Variants in NEDD1 observed in about 807,000 individuals in gnomAD.
NEDD1 encodes the protein protein NEDD1.
A neutral mutation model predicts 74.0 loss-of-function variants in NEDD1; 33 were observed. The ratio of observed to expected loss-of-function variants is 0.45; its 90% CI spans 0.34 to 0.60. The LOEUF is 0.60. Ranked by LOEUF, NEDD1 falls within the 20% of genes least tolerant of loss-of-function variation. The probability of loss-of-function intolerance (pLI) is 0.01; values close to 1 mark genes in which losing one functional copy is unlikely to be tolerated. For synonymous variants in NEDD1, 250 were observed against 264.4 expected (o/e 0.95, Z 0.53); for missense variants, 746 against 776.5 (o/e 0.96, Z 0.47).
At chr12:96,921,827 G>A (rs1466845907) in intron 6 of NEDD1, among the ~76,000 whole-genome samples, 2 of 150,776 alleles carry the variant, frequency 1.3e-5, no homozygotes, top group Non-Finnish European at 3.0e-5. Flanking sequence ...TGTTGTCCAG[G>A]CAGGTCTTTA....
intron 6 of NEDD1, among the ~76,000 whole-genome samples, chr12:96,934,094 AT>A (rs1040757307): frequency 3.6e-4 from 54 of 151,722 alleles, no homozygotes; most frequent in African/African-American, 1.2e-3. Context: ...TTGTGGTTTA[AT>A]TTTTTTTTAA....
intron 9 of NEDD1, among the ~76,000 whole-genome samples, chr12:96,939,120 G>A (rs1016250322): frequency 1.3e-5 from 2 of 151,980 alleles, no homozygotes. Context: ...TTTAAGCTTT[G>A]TATAAAATTA....
rs995285777 is a variant in NEDD1, at chr12:96,907,456, G to A, written c.-261-148G>A. On this transcript the variant is annotated intron_variant, in intron 1 of 15. Coordinates refer to ENST00000266742, the MANE Select transcript of NEDD1 (RefSeq NM_152905.4). ...GGTTGCTGGGCGGGGGCGCGGCGGC[G>A]CGCTGGGCTGGGAAGTGTCCGGGGA... The A allele has an allele frequency of 2.7e-4, 164 of 616,612 alleles. 1 individual carries two copies. The East Asian group carries it at 5.1e-3, about 19-fold the overall frequency. The allele number at this position is 616,612 out of a possible 1,614,324, so 38.2% of individuals were successfully genotyped here. A position where few individuals can be genotyped will look rare whatever the true frequency, so the allele number is the denominator to read the frequency against.
intron 14 of NEDD1, among the ~76,000 whole-genome samples, 190 bp downstream of exon 14, chr12:96,946,039 A>G (rs1443281980): frequency 6.6e-6 from 1 of 152,152 alleles, no homozygotes; most frequent in Non-Finnish European, 1.5e-5. Flanking sequence ...AGGAAAAGGC[A>G]CATTTACCTA....
chr12:96,951,566 A>T, intron 15 of NEDD1, 68 bp downstream of exon 15: 5 of 810,758 alleles, frequency 6.2e-6, no homozygotes, highest in Non-Finnish European at 1.0e-5. Context: ...TTAAAAATCC[A>T]TGAAAGGTAA....
chr12:96,909,176 CAAA>C (rs71307519), intron 2 of NEDD1, among the ~76,000 whole-genome samples: 4 of 107,520 alleles, frequency 3.7e-5, no homozygotes, highest in Non-Finnish European at 1.9e-5. Context: ...AACTCCGTCT[CAAA>C]AAAAAAAAAA....
chr12:96,916,093 G>A (rs1028568878), intron 4 of NEDD1, among the ~76,000 whole-genome samples: 1 of 152,038 alleles, frequency 6.6e-6, no homozygotes, highest in Admixed American at 6.6e-5. Flanking sequence ...TTTAAGGAAT[G>A]GAAGGTCAGT....
intron 5 of NEDD1, 55 bp downstream of exon 5, chr12:96,917,792 A>T: frequency 6.7e-7 from 1 of 1,486,654 alleles, no homozygotes; most frequent in Non-Finnish European, 8.9e-7. Context: ...ATGCATTTAG[A>T]GTACTTACCA....
chr12:96,922,587 G>C (rs568685253), intron 6 of NEDD1, among the ~76,000 whole-genome samples: 1 of 152,026 alleles, frequency 6.6e-6, no homozygotes, highest in Non-Finnish European at 1.5e-5. Flanking sequence ...AAAACATTAG[G>C]TTTGACTATA....
chr12:96,948,760 C>G (rs1199123843), intron 14 of NEDD1, among the ~76,000 whole-genome samples: 1 of 152,098 alleles, frequency 6.6e-6, no homozygotes, highest in African/African-American at 2.4e-5. Flanking sequence ...GCCTTTATTC[C>G]TAGTGTGTAG....
intron 5 of NEDD1, among the ~76,000 whole-genome samples, chr12:96,918,601 A>T (rs1196456322): frequency 6.6e-6 from 1 of 152,136 alleles, no homozygotes; most frequent in Non-Finnish European, 1.5e-5. Flanking sequence ...TAGCTCCCTC[A>T]TTCATTCTGT....
rs1366302215 is a variant in NEDD1, at chr12:96,907,383, C to G, written c.-262+83C>G. 1.3e-5 allele frequency: 6 copies of G among 466,804 alleles called. No homozygotes were observed. In the South Asian group the frequency reaches 1.5e-4, roughly 11 times the overall value. The allele number at this position is 466,804 out of a possible 1,614,324, so 28.9% of individuals were successfully genotyped here. Reference sequence around the variant, plus strand: ...TCCCGATCCTAAGACCCGCTCCGTCCCCCTCAGAGGGCGGGGCGGCGGTCC... The same window carrying G: ...TCCCGATCCTAAGACCCGCTCCGTCGCCCTCAGAGGGCGGGGCGGCGGTCC... On this transcript the variant is annotated intron_variant, in intron 1 of 15. Transcript: ENST00000266742.
At chr12:96,928,354 T>C (rs1269406226) in intron 6 of NEDD1, among the ~76,000 whole-genome samples, 1 of 152,320 alleles carries the variant, frequency 6.6e-6, no homozygotes, top group East Asian at 1.9e-4. Flanking sequence ...TCCAAATTTT[T>C]ATAATAAATG....
At chr12:96,926,014 AAT>A (rs1875651356) in intron 6 of NEDD1, among the ~76,000 whole-genome samples, 1 of 152,054 alleles carries the variant, frequency 6.6e-6, no homozygotes, top group Non-Finnish European at 1.5e-5. Context: ...AAGTGAGAAT[AAT>A]ATACTTTCAA....
At chr12:96,935,401 T>C (rs1327600098) in intron 7 of NEDD1, among the ~76,000 whole-genome samples, 196 bp downstream of exon 7, 2 of 152,220 alleles carry the variant, frequency 1.3e-5, no homozygotes, top group Admixed American at 1.3e-4. Context: ...TTTAGGGTAC[T>C]TCTGAAACAT....
At position 96,952,802 on chromosome 12, in the gene NEDD1, A is replaced by C. The variant is rs1242085888; in HGVS notation, c.*749A>C. 6.6e-6 allele frequency: 1 copy of C among 151,750 alleles called. No individual in the cohort carries two copies. The highest frequency in any genetic ancestry group is 2.1e-4 in the South Asian group (1 of 4,830). 9.4% of individuals were successfully genotyped at this position (151,750 alleles called of 1,614,324 possible). A position where few individuals can be genotyped will look rare whatever the true frequency, so the allele number is the denominator to read the frequency against. On this transcript the variant is annotated 3_prime_UTR_variant, in exon 16 of 16. Transcript: ENST00000266742. Reference sequence around the variant, plus strand: ...TAGTAACATGCAACGTTGTACTGCAAAATTTCAATCAACATGACAACTTAT... The same window carrying C: ...TAGTAACATGCAACGTTGTACTGCACAATTTCAATCAACATGACAACTTAT...
At chr12:96,934,127 TGTCA>T (rs1162935792) in intron 6 of NEDD1, among the ~76,000 whole-genome samples, 3 of 152,200 alleles carry the variant, frequency 2.0e-5, no homozygotes, top group Admixed American at 2.0e-4. Context: ...GGTGTTGAAT[TGTCA>T]GTGCATCAGA....
intron 2 of NEDD1, among the ~76,000 whole-genome samples, chr12:96,908,704 T>G (rs553653381): frequency 5.9e-5 from 9 of 152,340 alleles, no homozygotes; most frequent in African/African-American, 2.2e-4. Flanking sequence ...ATTGCTAATT[T>G]TAGAGTTTTG....
intron 14 of NEDD1, among the ~76,000 whole-genome samples, chr12:96,946,712 G>C (rs182892859): frequency 6.6e-6 from 1 of 152,322 alleles, no homozygotes; most frequent in East Asian, 1.9e-4. Context: ...GTTCTGCCAT[G>C]TGTGTTTCTC....
Sources: gnomAD v4.1 joint callset for allele counts (sites outside exome capture counted in the v4.1 genomes callset) on GRCh38, gnomAD v4.1.1 for gene constraint, MANE v1.5 for transcripts, NCBI Gene and HGNC (gene_info 2026-07-23, HGNC 2026-07-21) for gene names.